PCDHGA3: variants seen among roughly 807,000 people sequenced by gnomAD.
The protein encoded by PCDHGA3 is protocadherin gamma-A3.
PCDHGA3 carries 40 observed loss-of-function variants against 58.5 expected under a neutral mutation model. The observed-to-expected ratio is 0.68, with a 90% CI of 0.53 to 0.89. The LOEUF is 0.89. Among genes scored for constraint, PCDHGA3 ranks in the 40% least tolerant of loss-of-function variants. PCDHGA3 has a pLI of 0.00. For missense variants in PCDHGA3, 1,223 were observed against 1,195.9 expected, an observed-to-expected ratio of 1.02 and a Z score of -0.33; for synonymous variants, 530 against 525.7, an observed-to-expected ratio of 1.01 and a Z score of -0.11.
chr5:141,463,975 C>T lies in PCDHGA3; in HGVS notation c.2425-30832C>T, dbSNP rs145316182. Among the ~76,000 whole-genome samples the T allele has an allele frequency of 1.3e-3, 204 of 151,992 alleles. 1 individual carries two copies. Among genetic ancestry groups the T allele is most frequent in the African/African-American group, 4.8e-3 (198 of 41,474 alleles). The stretch of plus-strand genomic sequence containing the variant: ...TTTTTAAAATAGCTTCATAAAACTC[C>T]ATTGTAAAAACCAGGTGCAGTGGCT... On this transcript the variant is annotated intron_variant, in intron 1 of 3. Transcript: ENST00000253812.
At chr5:141,376,676 G>GTTTTTTTTTTTTTTTTTTTTTTT (rs67197835) in intron 1 of PCDHGA3, 2 of 275,812 alleles carry the variant, frequency 7.3e-6, no homozygotes, top group Admixed American at 6.8e-5. Context: ...TGAGGGTATC[G>GTTTTTTTTTTTTTTTTTTTTTTT]TTTTTTTTTT....
chr5:141,389,645 C>A, intron 1 of PCDHGA3: 1 of 1,612,912 alleles, frequency 6.2e-7, no homozygotes, highest in Non-Finnish European at 8.5e-7. Context: ...ACTTGGTGAC[C>A]AAGGTAGTGG....
At chr5:141,404,892 A>T in intron 1 of PCDHGA3, 1 of 1,613,880 alleles carries the variant, frequency 6.2e-7, no homozygotes, top group African/African-American at 1.3e-5. Context: ...GTGGCTGTAC[A>T]GGACCATGGC....
chr5:141,382,795 T>C, intron 1 of PCDHGA3: 1 of 982,614 alleles, frequency 1.0e-6, no homozygotes, highest in South Asian at 1.7e-5. Flanking sequence ...TCTATCCTGC[T>C]GGATTCTGAG....
intron 1 of PCDHGA3, among the ~76,000 whole-genome samples, chr5:141,488,563 C>T (rs1352750895): frequency 1.3e-5 from 2 of 152,134 alleles, no homozygotes; most frequent in Admixed American, 6.6e-5. Flanking sequence ...TTGAGATTTC[C>T]GCAAAGCATT....
At chr5:141,450,147 C>T (rs1322871298) in intron 1 of PCDHGA3, among the ~76,000 whole-genome samples, 2 of 151,774 alleles carry the variant, frequency 1.3e-5, no homozygotes, top group African/African-American at 4.8e-5. Context: ...GCTGGGACTA[C>T]AGGCATGTGC....
rs776349562 is a variant in PCDHGA3 at position 141,491,131 on chromosome 5, G to T, written c.2425-3676G>T. The T allele has an allele frequency of 6.2e-7, 1 of 1,614,182 alleles. No individual in the cohort carries two copies. Among genetic ancestry groups the T allele is most frequent in the Non-Finnish European group, 8.5e-7 (1 of 1,180,008 alleles). On this transcript the variant is annotated intron_variant, in intron 1 of 3. Coordinates refer to ENST00000253812, the MANE Select transcript of PCDHGA3 (RefSeq NM_018916.4). This position sits in a 1 kb window ranked among gnomAD's most constrained non-coding sequence, Gnocchi z 6.9. ...TACACACACTGGTGAGGTGCGCACA[G>T]CCCGGGCCTTACTGGAGGATGACTC...
At position 141,350,695 on chromosome 5, in the gene PCDHGA3, C is replaced by A. The variant is rs570147190; in HGVS notation, c.2424+4238C>A. 1.9e-6 allele frequency: 3 copies of A among 1,613,934 alleles called. No homozygotes were observed. The South Asian group carries it at 3.3e-5, about 18-fold the overall frequency. ...TAGAAATTTGTGAGTCAGCCTTACC[C>A]GGGGTAAAATTCTCTCTGGATTCTG... On this transcript the variant is annotated intron_variant, in intron 1 of 3. Transcript: ENST00000253812.
Position 141,431,697 on chromosome 5 carries a change from G to A in PCDHGA3, c.2425-63110G>A. The A allele has an allele frequency of 6.2e-7, 1 of 1,614,206 alleles. No homozygotes were observed. Among genetic ancestry groups the A allele is most frequent in the South Asian group, 1.1e-5 (1 of 91,084 alleles). On this transcript the variant is annotated intron_variant, in intron 1 of 3. Transcript: ENST00000253812. This position sits in a 1 kb window ranked among gnomAD's most constrained non-coding sequence, Gnocchi z 4.8. Reference sequence around the variant, plus strand: ...GGGGAGTTGGACCACGAGGAGTCAGGATTCTACCAGATGGAAGTGCAAGCA... The same window carrying A: ...GGGGAGTTGGACCACGAGGAGTCAGAATTCTACCAGATGGAAGTGCAAGCA...
chr5:141,385,078 G>A, intron 1 of PCDHGA3: 1 of 1,614,222 alleles, frequency 6.2e-7, no homozygotes, highest in Non-Finnish European at 8.5e-7. Context: ...CCTGCTGCAG[G>A]CTTCAGAAGG....
intron 1 of PCDHGA3, among the ~76,000 whole-genome samples, chr5:141,434,491 C>CCCAGGGCAGAAAACTGCTTAA (rs1300377022): frequency 1.8e-4 from 27 of 152,302 alleles, no homozygotes; most frequent in Non-Finnish European, 3.4e-4. Context: ...ACCTGGCCCG[C>CCCAGGGCAGAAAACTGCTTAA]CCAGGGCAGA....
intron 1 of PCDHGA3, chr5:141,360,880 G>A: frequency 6.2e-7 from 1 of 1,614,004 alleles, no homozygotes; most frequent in Non-Finnish European, 8.5e-7. Context: ...CGTGTACAGG[G>A]TCACCCTGAG....
Position 141,505,566 on chromosome 5 carries a change from A to G in PCDHGA3, c.2572+85A>G, listed in dbSNP as rs1363426407. 1.4e-5 allele frequency: 22 copies of G among 1,599,886 alleles called. No individual in the cohort carries two copies. In the East Asian group the frequency reaches 4.7e-4, roughly 34 times the overall value. ...CACAGCCACCATGCCCACGGACTGGATGTCAAACCTGTGTAGTTTCTCCAG... is the reference window on the plus strand; with the variant it reads ...CACAGCCACCATGCCCACGGACTGGGTGTCAAACCTGTGTAGTTTCTCCAG... On this transcript the variant is annotated intron_variant, in intron 3 of 3. Coordinates refer to ENST00000253812, the MANE Select transcript of PCDHGA3 (RefSeq NM_018916.4).
At chr5:141,374,299 G>A (rs1588736812) in intron 1 of PCDHGA3, 1 of 1,613,982 alleles carries the variant, frequency 6.2e-7, no homozygotes, top group Non-Finnish European at 8.5e-7. Context: ...GAGGTAGGAT[G>A]CAGCTTTTCT....
chr5:141,397,978 C>T (rs2093593315), intron 1 of PCDHGA3: 3 of 1,261,604 alleles, frequency 2.4e-6, no homozygotes, highest in Admixed American at 2.8e-5. Flanking sequence ...CAGCGCCGGC[C>T]TTTACACCGC....
At chr5:141,377,431 A>T (rs1773974129) in intron 1 of PCDHGA3, 1 of 152,002 alleles carries the variant, frequency 6.6e-6, no homozygotes, top group East Asian at 1.9e-4. Context: ...CTCTGTCTCT[A>T]CCAAAAAGAA....
intron 1 of PCDHGA3, among the ~76,000 whole-genome samples, chr5:141,492,798 C>T (rs1219815576): frequency 6.6e-6 from 1 of 152,250 alleles, no homozygotes; most frequent in Non-Finnish European, 1.5e-5. Flanking sequence ...GACAGCAGGA[C>T]TGGGACTCCA....
chr5:141,488,837 C>A (rs550655328), intron 1 of PCDHGA3, among the ~76,000 whole-genome samples: 1 of 152,280 alleles, frequency 6.6e-6, no homozygotes, highest in African/African-American at 2.4e-5. Context: ...GCCAAGGGGG[C>A]TGAATCAACC....
chr5:141,421,833 C>T (rs1364245594), intron 1 of PCDHGA3: 6 of 1,613,756 alleles, frequency 3.7e-6, no homozygotes, highest in Non-Finnish European at 4.2e-6. Flanking sequence ...GAAGCCTGGA[C>T]CGAGAGAAAG....
Sources: allele counts gnomAD v4.1 joint callset (sites outside exome capture counted in the v4.1 genomes callset), GRCh38; gene constraint gnomAD v4.1.1; non-coding constraint Gnocchi (gnomAD v3.1); transcripts MANE v1.5; gene names NCBI Gene and HGNC (gene_info 2026-07-23, HGNC 2026-07-21).